The following IQUB variants were observed in gnomAD, a reference collection of about 807,000 sequenced individuals.
IQUB encodes the protein IQ motif and ubiquitin-like domain-containing protein.
A neutral mutation model predicts 86.4 loss-of-function variants in IQUB; 86 were observed. The ratio of observed to expected loss-of-function variants is 1.00; its 90% CI spans 0.84 to 1.19. The LOEUF (loss-of-function observed/expected upper bound fraction) is 1.19. IQUB is among the 50% of genes most tolerant of loss of function. The pLI, the probability that IQUB is intolerant of heterozygous loss-of-function variation, is 0.00. For synonymous variants in IQUB, 289 were observed against 304.5 expected (o/e 0.95, Z 0.53); for missense variants, 946 against 916.9 (o/e 1.03, Z -0.41).
rs372503501 is a variant in IQUB, at chr7:123,527,847, T to C, written c.-5+6645A>G. ...TTGAGCTGTGGTGGGCTCCACCCAG[T>C]TGGAGCTTCCCAGCTGCTTTGTTTA... On this transcript the variant is annotated intron_variant, in intron 1 of 12. Transcript: ENST00000324698. Among the ~76,000 whole-genome samples the C allele has an allele frequency of 1.8e-4, 28 of 152,298 alleles. 1 individual carries two copies. The South Asian group carries it at 2.7e-3, about 15-fold the overall frequency.
chr7:123,518,270 A>G (rs538662222), intron 1 of IQUB, among the ~76,000 whole-genome samples: 2 of 152,218 alleles, frequency 1.3e-5, no homozygotes, highest in Admixed American at 6.5e-5. Flanking sequence ...CTACTGCAAC[A>G]GTCTCTTAGC....
intron 1 of IQUB, among the ~76,000 whole-genome samples, chr7:123,517,496 A>T (rs1002583630): frequency 8.1e-6 from 1 of 123,930 alleles, no homozygotes; most frequent in Non-Finnish European, 1.6e-5. Flanking sequence ...GCGCCACTGC[A>T]CTCCAGCCTG....
intron 3 of IQUB, among the ~76,000 whole-genome samples, chr7:123,505,743 G>A (rs547898317): frequency 4.1e-4 from 62 of 152,304 alleles, no homozygotes; most frequent in African/African-American, 1.2e-3. Flanking sequence ...TCTCTGAAAT[G>A]ACTTTGAGGC....
intron 11 of IQUB, chr7:123,459,632 C>T (rs1263873113): frequency 6.6e-6 from 1 of 151,852 alleles, no homozygotes; most frequent in Non-Finnish European, 1.5e-5. Flanking sequence ...TAACAAATCT[C>T]CTTATATGTA....
At chr7:123,471,116 T>C in intron 8 of IQUB, among the ~76,000 whole-genome samples, 1 of 152,094 alleles carries the variant, frequency 6.6e-6, no homozygotes, top group Admixed American at 6.5e-5. Context: ...ATCCAGTAAA[T>C]GAGAAGCTGC....
At chr7:123,514,379 T>G (rs1796554578) in intron 1 of IQUB, among the ~76,000 whole-genome samples, 1 of 152,118 alleles carries the variant, frequency 6.6e-6, no homozygotes, top group South Asian at 2.1e-4. Context: ...CTAAAGGAAC[T>G]TCTAAAGAAT....
At chr7:123,508,369 CA>C (rs1433712517) in intron 3 of IQUB, among the ~76,000 whole-genome samples, 1 of 152,162 alleles carries the variant, frequency 6.6e-6, no homozygotes, top group Non-Finnish European at 1.5e-5. Context: ...TGCTTTAAGC[CA>C]CTAAGTTTGT....
chr7:123,482,122 A>T lies in IQUB; in HGVS notation c.1235-2152T>A, dbSNP rs1795036684. The stretch of plus-strand genomic sequence containing the variant: ...GGTCTTTTAGGTACAAGGTGATTTT[A>T]TGATGAAAGGTCTGACTGTCATGAA... On this transcript the variant is annotated intron_variant, in intron 7 of 12. Coordinates refer to ENST00000324698, the MANE Select transcript of IQUB (RefSeq NM_178827.5). 2.0e-5 allele frequency among the ~76,000 whole-genome samples: 3 copies of T among 152,082 alleles called. No individual in the cohort carries two copies. In the South Asian group the frequency reaches 6.2e-4, roughly 31 times the overall value.
intron 3 of IQUB, among the ~76,000 whole-genome samples, chr7:123,508,556 G>A (rs1796288613): frequency 6.6e-6 from 1 of 152,192 alleles, no homozygotes; most frequent in Admixed American, 6.5e-5. Flanking sequence ...ATTCCTGCTG[G>A]CATAAGCCTG....
Position 123,458,282 on chromosome 7 carries a change from G to A in IQUB, c.2008-716C>T, listed in dbSNP as rs576850351. Among the ~76,000 whole-genome samples, 38 of 152,032 alleles carry A rather than the reference G, an allele frequency of 2.5e-4. No homozygotes were observed. In the South Asian group the frequency reaches 7.0e-3, roughly 28 times the overall value. On this transcript the variant is annotated intron_variant, in intron 11 of 12. Transcript: ENST00000324698. ...CTGCATTATAAATTTAGAATTGCCAGAGACGGACAAACTCAACAAAGTATA... is the reference window on the plus strand; with the variant it reads ...CTGCATTATAAATTTAGAATTGCCAAAGACGGACAAACTCAACAAAGTATA...
intron 3 of IQUB, among the ~76,000 whole-genome samples, chr7:123,504,946 A>C (rs2117219212): frequency 6.6e-6 from 1 of 152,350 alleles, no homozygotes; most frequent in African/African-American, 2.4e-5. Flanking sequence ...CTATAAAATC[A>C]AAAACAAGTT....
chr7:123,518,192 G>A (rs12374992), intron 1 of IQUB, among the ~76,000 whole-genome samples: 35,315 of 150,960 alleles, frequency 0.23, 4,716 homozygotes, highest in East Asian at 0.32. Flanking sequence ...AAAAAGCACT[G>A]TCAATACTGA....
chr7:123,516,000 G>A (rs1220807848), intron 1 of IQUB, among the ~76,000 whole-genome samples: 1 of 152,190 alleles, frequency 6.6e-6, no homozygotes, highest in East Asian at 1.9e-4. Context: ...TAGTGGTTAT[G>A]CAAACTATAT....
chr7:123,533,228 C>T (rs889134026), intron 1 of IQUB, among the ~76,000 whole-genome samples: 26 of 152,236 alleles, frequency 1.7e-4, no homozygotes, highest in Admixed American at 3.3e-4. Context: ...CTGCAACAAA[C>T]ATTTTATACA....
In IQUB at chr7:123,461,609, A is replaced by C. The variant is rs1177251820; in HGVS notation, c.1759-4T>G. 6.4e-7 allele frequency: 1 copy of C among 1,565,872 alleles called. No individual in the cohort carries two copies. Among genetic ancestry groups the C allele is most frequent in the African/African-American group, 1.4e-5 (1 of 72,128 alleles). On this transcript the variant is annotated splice_region_variant and splice_polypyrimidine_tract_variant and intron_variant, in intron 10 of 12. Transcript: ENST00000324698. Reference sequence around the variant, plus strand: ...ATTTCAATGGGTCTTGAGGGACCTAAATAAATAGTAAAAAAAGAAAAAAAA... The same window carrying C: ...ATTTCAATGGGTCTTGAGGGACCTACATAAATAGTAAAAAAAGAAAAAAAA...
At chr7:123,500,452 T>C (rs887077472) in intron 6 of IQUB, among the ~76,000 whole-genome samples, 9 of 151,756 alleles carry the variant, frequency 5.9e-5, no homozygotes, top group African/African-American at 2.2e-4. Context: ...CAAAATGAAA[T>C]AGCAAGAATG....
chr7:123,509,998 T>C lies in IQUB; in HGVS notation c.435A>G (p.Val145=). Residue 145 remains valine, a synonymous_variant, in exon 3 of 13, where the codon GTA becomes GTG. Coordinates refer to ENST00000324698, the MANE Select transcript of IQUB (RefSeq NM_178827.5). ...VVLIPVGQEI[V]IPFKVDTILK... ...GAATGGTATCAACCTTAAAAGGTAT[T>C]ACAATTTCCTGGCCCACTGGAATAA... is the stretch of plus-strand genomic sequence containing the variant. The C allele has an allele frequency of 6.3e-7, 1 of 1,588,966 alleles. No individual in the cohort carries two copies. The highest frequency in any genetic ancestry group is 8.6e-7 in the Non-Finnish European group (1 of 1,162,034).
rs140581147 is a variant in IQUB, at chr7:123,502,976, C to G, written c.835G>C (p.Glu279Gln). The G allele has an allele frequency of 1.2e-6, 2 of 1,612,058 alleles. No homozygotes were observed. Among genetic ancestry groups the G allele is most frequent in the Non-Finnish European group, 1.7e-6 (2 of 1,179,328 alleles). The change falls in exon 5 of 13, where the codon GAA becomes CAA. Residue 279 changes from glutamate to glutamine, a missense_variant. By Grantham distance (29) the Glu-to-Gln change is conservative. Coordinates refer to ENST00000324698, the MANE Select transcript of IQUB (RefSeq NM_178827.5). ...GTQTVPKRIP[E>Q]RLSIFCRDTQ... ...TCCCTACAAAATATACTGAGTCTTT[C>G]GGGAATCCTTTTAGGTACAGTTTGT...
intron 1 of IQUB, among the ~76,000 whole-genome samples, chr7:123,516,724 A>G (rs150804845): frequency 1.1e-4 from 17 of 152,292 alleles, no homozygotes; most frequent in African/African-American, 3.8e-4. Flanking sequence ...AGAATTCTCA[A>G]TGTATTATTT....
Sources: gnomAD v4.1 joint callset for allele counts (sites outside exome capture counted in the v4.1 genomes callset) on GRCh38, gnomAD v4.1.1 for gene constraint, MANE v1.5 for transcripts, NCBI Gene and HGNC (gene_info 2026-07-23, HGNC 2026-07-21) for gene names.